The following PRDM16 variants were observed in gnomAD, a reference collection of about 807,000 sequenced individuals.
The protein encoded by PRDM16 is PR/SET domain 16, also known as histone-lysine N-methyltransferase PRDM16.
PRDM16 carries 23 observed loss-of-function variants against 110.6 expected under a neutral mutation model. The observed-to-expected ratio is 0.21, with a 90% confidence interval of 0.15 to 0.29. The LOEUF (loss-of-function observed/expected upper bound fraction) is 0.29. Ranked by LOEUF, PRDM16 falls within the 10% of genes least tolerant of loss-of-function variation. PRDM16 has a pLI of 1.00. For missense variants in PRDM16, 1,615 were observed against 1,794.3 expected (o/e 0.90, Z 1.81); for synonymous variants, 799 against 781.8 (o/e 1.02, Z -0.37).
At chr1:3,188,839 G>A (rs1179658136) in intron 2 of PRDM16, among the ~76,000 whole-genome samples, 1 of 152,186 alleles carries the variant, frequency 6.6e-6, no homozygotes, top group Non-Finnish European at 1.5e-5. Flanking sequence ...GGAGGAAGCA[G>A]GGGGCGGGAA....
At chr1:3,172,242 T>G (rs989101492) in intron 1 of PRDM16, among the ~76,000 whole-genome samples, 2 of 152,126 alleles carry the variant, frequency 1.3e-5, no homozygotes, top group African/African-American at 2.4e-5. Context: ...AGGAGGAGGC[T>G]GAGGTCCAGA....
At chr1:3,311,192 C>G (rs2100415837) in intron 3 of PRDM16, among the ~76,000 whole-genome samples, 1 of 152,330 alleles carries the variant, frequency 6.6e-6, no homozygotes, top group South Asian at 2.1e-4. Flanking sequence ...TCGCTTCCCA[C>G]TAATAGAAAC....
rs1299406090 is a variant in PRDM16 at position 3,181,795 on chromosome 1, C to G, written c.38-4330C>G. On this transcript the variant is annotated intron_variant, in intron 1 of 16. Transcript: ENST00000270722. Reference sequence around the variant, plus strand: ...TCTTACACATGCAGTCTTACACATGCAGTCTTACACACGGTCTTACACATG... The same window carrying G: ...TCTTACACATGCAGTCTTACACATGGAGTCTTACACACGGTCTTACACATG... Among the ~76,000 whole-genome samples, 149 of 132,394 alleles carry G rather than the reference C, an allele frequency of 1.1e-3. 2 individuals are homozygous for G. Among genetic ancestry groups the G allele is most frequent in the African/African-American group, 3.9e-3 (136 of 34,942 alleles). The allele number at this position is 132,394 out of a possible 152,430, so 86.9% of individuals were successfully genotyped here.
chr1:3,392,746 A>G (rs1643319087), intron 4 of PRDM16, among the ~76,000 whole-genome samples: 1 of 152,222 alleles, frequency 6.6e-6, no homozygotes, highest in Non-Finnish European at 1.5e-5. Context: ...ACTAATTTTC[A>G]TAAAAGGCTC....
intron 2 of PRDM16, among the ~76,000 whole-genome samples, chr1:3,239,451 G>A (rs1284752889): frequency 6.6e-6 from 1 of 152,080 alleles, no homozygotes; most frequent in Non-Finnish European, 1.5e-5. Flanking sequence ...GAGCCTGGAT[G>A]GGATGTGGAG....
At chr1:3,276,375 A>G (rs1284104931) in intron 3 of PRDM16, among the ~76,000 whole-genome samples, 12 of 151,808 alleles carry the variant, frequency 7.9e-5, no homozygotes, top group Admixed American at 7.9e-4. Context: ...GGTCCATCCC[A>G]GGATGGAAAG....
chr1:3,150,128 C>T (rs554366143), intron 1 of PRDM16, among the ~76,000 whole-genome samples: 18 of 152,344 alleles, frequency 1.2e-4, no homozygotes, highest in Admixed American at 9.1e-4. Flanking sequence ...CCCCCGAACG[C>T]ACAGGCGAAC....
chr1:3,415,592 CAG>C (rs2100671688), intron 10 of PRDM16, among the ~76,000 whole-genome samples: 1 of 152,378 alleles, frequency 6.6e-6, no homozygotes, highest in African/African-American at 2.4e-5. Context: ...ACGAGCCAGC[CAG>C]GCGCATCCTG....
intron 1 of PRDM16, among the ~76,000 whole-genome samples, chr1:3,155,545 C>T (rs1013256695): frequency 2.0e-5 from 3 of 152,254 alleles, no homozygotes; most frequent in African/African-American, 7.2e-5. Context: ...ATCTGTTTTC[C>T]TTTTTCCTTC....
At chr1:3,329,408 G>A (rs12092427) in intron 3 of PRDM16, among the ~76,000 whole-genome samples, 172 of 152,056 alleles carry the variant, frequency 1.1e-3, no homozygotes, top group African/African-American at 4.0e-3. Flanking sequence ...CAGTTTTGCA[G>A]GAATGGAATT....
intron 5 of PRDM16, among the ~76,000 whole-genome samples, chr1:3,398,560 G>T (rs1196928662): frequency 1.3e-5 from 2 of 152,220 alleles, no homozygotes; most frequent in African/African-American, 2.4e-5. Flanking sequence ...AGGCTCTCGA[G>T]CTCCTTTGAG....
At chr1:3,396,639 A>C in intron 5 of PRDM16, 46 bp downstream of exon 5, 1 of 797,982 alleles carries the variant, frequency 1.3e-6, no homozygotes, top group Non-Finnish European at 2.0e-6. Context: ...GGGAGCCCCC[A>C]GCCAGCCCGG....
intron 3 of PRDM16, among the ~76,000 whole-genome samples, chr1:3,351,412 G>A (rs914243901): frequency 7.3e-5 from 11 of 151,434 alleles, no homozygotes; most frequent in East Asian, 2.0e-4. Flanking sequence ...CCCAGAACCC[G>A]TCTCTATAGG....
intron 1 of PRDM16, among the ~76,000 whole-genome samples, chr1:3,135,808 C>T (rs1048932332): frequency 6.6e-6 from 1 of 152,206 alleles, no homozygotes; most frequent in Admixed American, 6.5e-5. Context: ...GTCCCCAGAC[C>T]GTCCGTCCCT....
intron 2 of PRDM16, among the ~76,000 whole-genome samples, chr1:3,231,726 G>C (rs917277511): frequency 1.3e-5 from 2 of 152,258 alleles, no homozygotes; most frequent in African/African-American, 4.8e-5. Context: ...GCAAGGCTGG[G>C]CAGTCCCTGG....
chr1:3,104,683 A>T (rs1642610091), intron 1 of PRDM16, among the ~76,000 whole-genome samples: 1 of 138,938 alleles, frequency 7.2e-6, no homozygotes. Context: ...TCACCCTGGC[A>T]GGCCCCTCTG....
intron 2 of PRDM16, chr1:3,186,696 CCA>C: frequency 2.1e-6 from 1 of 468,962 alleles, no homozygotes; most frequent in Non-Finnish European, 3.7e-6. Flanking sequence ...TAGGCCACGC[CCA>C]CTCTCTCCCG....
At chr1:3,414,139 C>T (rs749570107) in intron 9 of PRDM16, among the ~76,000 whole-genome samples, 1 of 152,220 alleles carries the variant, frequency 6.6e-6, no homozygotes, top group Non-Finnish European at 1.5e-5. Flanking sequence ...TCAGAGTGGT[C>T]CCCACTCATG....
At chr1:3,145,439 C>A (rs564882004) in intron 1 of PRDM16, among the ~76,000 whole-genome samples, 1 of 152,198 alleles carries the variant, frequency 6.6e-6, no homozygotes, top group Non-Finnish European at 1.5e-5. Context: ...CCTGCCTCTG[C>A]AGCCCTGGAA....
Sources: allele counts gnomAD v4.1 joint callset (sites outside exome capture counted in the v4.1 genomes callset), GRCh38; gene constraint gnomAD v4.1.1; transcripts MANE v1.5; gene names NCBI Gene and HGNC (gene_info 2026-07-23, HGNC 2026-07-21).